UTP20: variants seen among roughly 807,000 people sequenced by gnomAD.
The protein encoded by UTP20 is small subunit processome component 20 homolog.
Under a neutral mutation model 329.5 loss-of-function variants are expected in UTP20, and 164 were observed. The observed-to-expected ratio is 0.50, with a 90% CI of 0.44 to 0.57. The LOEUF is 0.57. Among genes scored for constraint, UTP20 ranks in the 20% least tolerant of loss-of-function variants. The pLI, the probability that UTP20 is intolerant of heterozygous loss-of-function variation, is 0.00. For missense variants in UTP20, 3,055 were observed against 3,284.2 expected (o/e 0.93, Z 1.71); for synonymous variants, 1,151 against 1,159.3 (o/e 0.99, Z 0.14).
chr12:101,364,859 A>G (rs1459740385), intron 45 of UTP20, among the ~76,000 whole-genome samples: 2 of 152,150 alleles, frequency 1.3e-5, no homozygotes, highest in Admixed American at 6.6e-5. Flanking sequence ...TCCGTGATGT[A>G]TATTAAAAAG....
At chr12:101,324,537 T>A (rs934977023) in intron 25 of UTP20, among the ~76,000 whole-genome samples, 3 of 152,290 alleles carry the variant, frequency 2.0e-5, no homozygotes, top group African/African-American at 2.4e-5. Context: ...CCCAAAGTGC[T>A]ATGATTACAC....
intron 6 of UTP20, 85 bp from the exon 7 acceptor site, chr12:101,290,050 CAA>C: frequency 9.6e-7 from 1 of 1,045,318 alleles, no homozygotes; most frequent in South Asian, 2.0e-5. Context: ...ATTTAAATAA[CAA>C]TATATAGAAT....
At chr12:101,316,042 C>G (rs920681034) in intron 21 of UTP20, among the ~76,000 whole-genome samples, 1 of 152,060 alleles carries the variant, frequency 6.6e-6, no homozygotes, top group African/African-American at 2.4e-5. Context: ...ATAGATGATC[C>G]GAACTAATGG....
At position 101,311,714 on chromosome 12, in the gene UTP20, C is replaced by A; in HGVS notation, c.2232-5C>A. 6.3e-7 allele frequency: 1 copy of A among 1,594,470 alleles called. No individual in the cohort carries two copies. The highest frequency in any genetic ancestry group is 1.1e-5 in the South Asian group (1 of 87,236). ...TTTTATTTTGTGATTTTTTTTTTCCCTTAGTTCTCATGCACACGAAATGGA... is the reference window on the plus strand; with the variant it reads ...TTTTATTTTGTGATTTTTTTTTTCCATTAGTTCTCATGCACACGAAATGGA... On this transcript the variant is annotated splice_polypyrimidine_tract_variant and splice_region_variant and intron_variant, in intron 19 of 61. Coordinates refer to ENST00000261637, the MANE Select transcript of UTP20 (RefSeq NM_014503.3).
chr12:101,373,103 A>G lies in UTP20; in HGVS notation c.6878+140A>G, dbSNP rs1241446262. The G allele has an allele frequency of 5.4e-6, 4 of 740,918 alleles. No homozygotes were observed. In the East Asian group the frequency reaches 8.0e-5, roughly 15 times the overall value. 45.9% of individuals were successfully genotyped at this position (740,918 alleles called of 1,614,324 possible). A position where few individuals can be genotyped will look rare whatever the true frequency, so the allele number is the denominator to read the frequency against. ...TACTGTTATATGACTCATTGACTTGATAATCAGACATTGTGCTTGGCTTCA... is the reference window on the plus strand; with the variant it reads ...TACTGTTATATGACTCATTGACTTGGTAATCAGACATTGTGCTTGGCTTCA... On this transcript the variant is annotated intron_variant, in intron 52 of 61. Coordinates refer to ENST00000261637, the MANE Select transcript of UTP20 (RefSeq NM_014503.3).
chr12:101,329,427 A>C lies in UTP20; in HGVS notation c.3395A>C (p.His1132Pro). The change falls in exon 27 of 62, where the codon CAC (histidine) becomes CCC (proline). Residue 1132 changes from histidine (H) to proline (P), a missense_variant. Physicochemically the swap from His to Pro is moderately conservative, Grantham distance 77. This residue lies in a region of UTP20 where 2,445 missense variants were observed against 2,575.5 expected (regional missense o/e 0.95). Coordinates refer to ENST00000261637, the MANE Select transcript of UTP20 (RefSeq NM_014503.3). ...CTCTGTATGACAGCAACCGTATCACACATCCTTGACCAACGAGAAAAGGTT... is the reference window on the plus strand; with the variant it reads ...CTCTGTATGACAGCAACCGTATCACCCATCCTTGACCAACGAGAAAAGGTT... ...ILLCMTATVSHILDQREKIQL... is the reference protein window; with the variant it reads ...ILLCMTATVSPILDQREKIQL... The C allele has an allele frequency of 6.2e-7, 1 of 1,613,160 alleles. No individual in the cohort carries two copies. The highest frequency in any genetic ancestry group is 8.5e-7 in the Non-Finnish European group (1 of 1,179,182).
At chr12:101,365,150 T>C (rs1870055428) in intron 45 of UTP20, among the ~76,000 whole-genome samples, 2 of 150,862 alleles carry the variant, frequency 1.3e-5, no homozygotes, top group South Asian at 4.2e-4. Flanking sequence ...CCAGGAGAGT[T>C]GATGTTAACT....
At chr12:101,362,245 G>A (rs1300323648) in intron 44 of UTP20, among the ~76,000 whole-genome samples, 185 bp downstream of exon 44, 2 of 152,184 alleles carry the variant, frequency 1.3e-5, no homozygotes, top group Non-Finnish European at 2.9e-5. Flanking sequence ...GTCACTGCAA[G>A]GAGGTCATAA....
At position 101,356,860 on chromosome 12, in the gene UTP20, G is replaced by GA; in HGVS notation, c.5535-66_5535-65insA. 2.0e-6 allele frequency: 3 copies of GA among 1,528,618 alleles called. No homozygotes were observed. The East Asian group carries it at 6.8e-5, about 35-fold the overall frequency. 94.7% of individuals were successfully genotyped at this position (1,528,618 alleles called of 1,614,324 possible). A position where few individuals can be genotyped will look rare whatever the true frequency, so the allele number is the denominator to read the frequency against. On this transcript the variant is annotated intron_variant, in intron 42 of 61. Coordinates refer to ENST00000261637, the MANE Select transcript of UTP20 (RefSeq NM_014503.3). ...AGTTACGAGTAATTAAGAGACTAAAGGATATGTGTATGTTTAATTGCTTCT... is the reference window on the plus strand; with the variant it reads ...AGTTACGAGTAATTAAGAGACTAAAGAGATATGTGTATGTTTAATTGCTTCT...
At chr12:101,317,375 G>T (rs1873004707) in intron 21 of UTP20, 103 bp from the exon 22 acceptor site, 2 of 1,265,586 alleles carry the variant, frequency 1.6e-6, no homozygotes, top group Admixed American at 4.5e-5. Flanking sequence ...TCTCTTCAGT[G>T]TGTGATTCTG....
intron 21 of UTP20, among the ~76,000 whole-genome samples, chr12:101,312,975 ATTATT>A (rs1238834652): frequency 2.0e-5 from 3 of 152,162 alleles, no homozygotes; most frequent in Admixed American, 6.5e-5. Flanking sequence ...CCTGTTATTC[ATTATT>A]TTATTGCCTG....
chr12:101,345,165 C>T (rs1174242859), intron 36 of UTP20, among the ~76,000 whole-genome samples: 3 of 151,904 alleles, frequency 2.0e-5, no homozygotes, highest in African/African-American at 4.8e-5. Flanking sequence ...AAGCTGGTCC[C>T]GAACTCCTGA....
intron 56 of UTP20, among the ~76,000 whole-genome samples, chr12:101,377,663 C>T (rs537606526): frequency 3.3e-5 from 5 of 151,928 alleles, no homozygotes; most frequent in Admixed American, 2.0e-4. Flanking sequence ...TTCCTTTACA[C>T]GGAGGGGAGA....
At chr12:101,296,097 T>C (rs1225483904) in intron 12 of UTP20, among the ~76,000 whole-genome samples, 1 of 152,240 alleles carries the variant, frequency 6.6e-6, no homozygotes, top group Non-Finnish European at 1.5e-5. Flanking sequence ...AGAATTGACA[T>C]TGGTGCAATC....
chr12:101,286,238 T>A, intron 4 of UTP20, 83 bp from the exon 5 acceptor site: 1 of 1,263,756 alleles, frequency 7.9e-7, no homozygotes, highest in Non-Finnish European at 1.1e-6. Flanking sequence ...AATCCTATGA[T>A]CATAGGCCAC....
At chr12:101,329,536 A>G (rs1868684851) in intron 27 of UTP20, 87 bp downstream of exon 27, 3 of 1,301,274 alleles carry the variant, frequency 2.3e-6, no homozygotes, top group Admixed American at 4.3e-5. Context: ...AGTATAAGGT[A>G]TCTTCCAACT....
intron 5 of UTP20, among the ~76,000 whole-genome samples, chr12:101,288,442 A>G (rs1872029415): frequency 6.6e-6 from 1 of 152,182 alleles, no homozygotes; most frequent in South Asian, 2.1e-4. Context: ...GAGGATTATA[A>G]TAGTACCCAT....
In UTP20 at chr12:101,359,926, C is replaced by G. The variant is rs549493607; in HGVS notation, c.5692-2036C>G. Reference sequence around the variant, plus strand: ...CCAGAGTTGTAGCTCCTGCCCTTCCCCGTTTCAAGGCCACTGCCACCACCA... The same window carrying G: ...CCAGAGTTGTAGCTCCTGCCCTTCCGCGTTTCAAGGCCACTGCCACCACCA... On this transcript the variant is annotated intron_variant, in intron 43 of 61. Coordinates refer to ENST00000261637, the MANE Select transcript of UTP20 (RefSeq NM_014503.3). 1.1e-3 allele frequency among the ~76,000 whole-genome samples: 167 copies of G among 152,244 alleles called. 2 individuals are homozygous for G. The highest frequency in any genetic ancestry group is 3.9e-3 in the African/African-American group (162 of 41,548).
chr12:101,321,085 C>T (rs772267126), intron 24 of UTP20, 148 bp downstream of exon 24: 63 of 664,716 alleles, frequency 9.5e-5, no homozygotes, highest in African/African-American at 3.1e-4. Flanking sequence ...GAAATGAAAA[C>T]GAGTAGTATA....
Sources: allele counts gnomAD v4.1 joint callset (sites outside exome capture counted in the v4.1 genomes callset), GRCh38; gene constraint gnomAD v4.1.1; regional missense constraint gnomAD v4.1.1; transcripts MANE v1.5; gene names NCBI Gene and HGNC (gene_info 2026-07-23, HGNC 2026-07-21).